GRID2IP: variants seen among roughly 807,000 people sequenced by gnomAD.
GRID2IP encodes the protein Grid2 interacting protein.
A neutral mutation model predicts 114.3 loss-of-function variants in GRID2IP; 78 were observed. The ratio of observed to expected loss-of-function variants is 0.68; its 90% CI spans 0.57 to 0.82. GRID2IP has a LOEUF of 0.82. Ranked by LOEUF, GRID2IP falls within the 40% of genes least tolerant of loss-of-function variation. The pLI, the probability that GRID2IP is intolerant of heterozygous loss-of-function variation, is 0.00. For synonymous variants in GRID2IP, 809 were observed against 724.0 expected, an observed-to-expected ratio of 1.12 and a Z score of -1.89; for missense variants, 1,727 against 1,678.5, an observed-to-expected ratio of 1.03 and a Z score of -0.51.
intron 4 of GRID2IP, 70 bp from the exon 5 acceptor site, chr7:6,522,027 T>C: frequency 2.4e-6 from 3 of 1,263,776 alleles, no homozygotes; most frequent in Non-Finnish European, 3.4e-6. Context: ...GATGCTATCC[T>C]GTTTTACAGG....
chr7:6,540,366 C>G (rs1000489832), intron 1 of GRID2IP, among the ~76,000 whole-genome samples: 2 of 152,108 alleles, frequency 1.3e-5, no homozygotes, highest in East Asian at 3.9e-4. Flanking sequence ...CCCGCCTCGG[C>G]CTCCCAAGGT....
chr7:6,528,816 C>G lies in GRID2IP; in HGVS notation c.585-2047G>C, dbSNP rs1779563808. ...CGATGGTCCGGGGGGTAACCAGGAA[C>G]CAGGATGAATGTCCTGCTCACCTCT... is the stretch of plus-strand genomic sequence containing the variant. On this transcript the variant is annotated intron_variant, in intron 2 of 21. Coordinates refer to ENST00000457091, the MANE Select transcript of GRID2IP (RefSeq NM_001145118.2). The surrounding 1 kb of genome is among the most constrained non-coding windows in gnomAD (Gnocchi z 6.0). 6.6e-6 allele frequency among the ~76,000 whole-genome samples: 1 copy of G among 152,096 alleles called. No individual in the cohort carries two copies. The highest frequency in any genetic ancestry group is 1.5e-5 in the Non-Finnish European group (1 of 68,016).
chr7:6,521,385 G>A lies in GRID2IP; in HGVS notation c.1084+44C>T, dbSNP rs1470241755. 2 of 1,374,616 alleles carry A rather than the reference G, an allele frequency of 1.5e-6. No homozygotes were observed. Among genetic ancestry groups the A allele is most frequent in the African/African-American group, 1.4e-5 (1 of 69,336 alleles). The allele number at this position is 1,374,616 out of a possible 1,614,324, so 85.2% of individuals were successfully genotyped here. A position where few individuals can be genotyped will look rare whatever the true frequency, so the allele number is the denominator to read the frequency against. ...CTCTCACATATAGCAGCCTGGGCAG[G>A]GTCTCTGGGGGCCAAGGAAGCCAAG... On this transcript the variant is annotated intron_variant, in intron 6 of 21. Coordinates refer to ENST00000457091, the MANE Select transcript of GRID2IP (RefSeq NM_001145118.2). This position sits in a 1 kb window ranked among gnomAD's most constrained non-coding sequence, Gnocchi z 4.1.
chr7:6,540,946 C>T (rs1352049559), intron 1 of GRID2IP, among the ~76,000 whole-genome samples: 1 of 152,130 alleles, frequency 6.6e-6, no homozygotes, highest in African/African-American at 2.4e-5. Flanking sequence ...AAGTGATCCT[C>T]CCTCTTTAGC....
chr7:6,527,879 C>T (rs1364759237), intron 2 of GRID2IP, among the ~76,000 whole-genome samples: 1 of 152,016 alleles, frequency 6.6e-6, no homozygotes. Context: ...CTGCCTCAGC[C>T]TCCCGAGTAG....
chr7:6,513,230 CT>C (rs1779215008), intron 8 of GRID2IP, among the ~76,000 whole-genome samples: 1 of 151,614 alleles, frequency 6.6e-6, no homozygotes, highest in African/African-American at 2.4e-5. Flanking sequence ...GAGTTTCTTT[CT>C]TTTTTCTTTT....
At chr7:6,513,663 G>C (rs1469768813) in intron 8 of GRID2IP, among the ~76,000 whole-genome samples, 1 of 152,226 alleles carries the variant, frequency 6.6e-6, no homozygotes, top group Non-Finnish European at 1.5e-5. Flanking sequence ...TGTATATGCT[G>C]CATAAAGGTC....
intron 7 of GRID2IP, among the ~76,000 whole-genome samples, chr7:6,517,220 ATTTT>A (rs370575922): frequency 3.4e-5 from 5 of 146,916 alleles, no homozygotes; most frequent in Admixed American, 6.8e-5. Context: ...ACGCCCGGCT[ATTTT>A]TTTTTTGTAT....
Position 6,532,643 on chromosome 7 carries a change from C to T in GRID2IP, c.585-5874G>A, listed in dbSNP as rs537834190. Among the ~76,000 whole-genome samples, 1 of 152,322 alleles carries T rather than the reference C, an allele frequency of 6.6e-6. No homozygotes were observed. Among genetic ancestry groups the T allele is most frequent in the East Asian group, 1.9e-4 (1 of 5,178 alleles). On this transcript the variant is annotated intron_variant, in intron 2 of 21. Coordinates refer to ENST00000457091, the MANE Select transcript of GRID2IP (RefSeq NM_001145118.2). The surrounding 1 kb of genome is among the most constrained non-coding windows in gnomAD (Gnocchi z 4.4). The stretch of plus-strand genomic sequence containing the variant: ...CCCTGCAAGGGAGAGAAGCAGCTGA[C>T]AAGCCTCCCAGCCAGCACAGCTCTC...
Position 6,510,331 on chromosome 7 carries a change from A to T in GRID2IP, c.1723T>A (p.Ser575Thr). ...SSFKGKMGTV[S>T]KSRASPPGPS... ...CCTGGAGGGGAAGCCCGGGATTTGG[A>T]CACGGTCCCCATCTTCCCTTTGAAG... The change falls in exon 11 of 22, where the codon TCC (serine) becomes ACC (threonine). Residue 575 changes from serine to threonine, a missense_variant. Ser to Thr is a moderately conservative substitution (Grantham distance 58). Coordinates refer to ENST00000457091, the MANE Select transcript of GRID2IP (RefSeq NM_001145118.2). The T allele has an allele frequency of 6.5e-7, 1 of 1,547,524 alleles. No homozygotes were observed. Among genetic ancestry groups the T allele is most frequent in the African/African-American group, 1.4e-5 (1 of 72,964 alleles).
chr7:6,540,447 G>A (rs1779796238), intron 1 of GRID2IP, among the ~76,000 whole-genome samples: 1 of 151,916 alleles, frequency 6.6e-6, no homozygotes, highest in Admixed American at 6.6e-5. Flanking sequence ...TCTGCCCTGC[G>A]AAGAGGGCCT....
At position 6,506,123 on chromosome 7, in the gene GRID2IP, T is replaced by C. The variant is rs1786578872; in HGVS notation, c.2545-216A>G. 6.6e-6 allele frequency among the ~76,000 whole-genome samples: 1 copy of C among 152,194 alleles called. No homozygotes were observed. The highest frequency in any genetic ancestry group is 6.5e-5 in the Admixed American group (1 of 15,278). On this transcript the variant is annotated intron_variant, in intron 13 of 21. Coordinates refer to ENST00000457091, the MANE Select transcript of GRID2IP (RefSeq NM_001145118.2). This position sits in a 1 kb window ranked among gnomAD's most constrained non-coding sequence, Gnocchi z 5.2. ...AGCGCCTCCTGGGGTCAATCGAGACTCAAGACTTGGAACACTACTCGTGCA... is the reference window on the plus strand; with the variant it reads ...AGCGCCTCCTGGGGTCAATCGAGACCCAAGACTTGGAACACTACTCGTGCA...
Position 6,519,270 on chromosome 7 carries a change from A to T in GRID2IP, c.1268+1308T>A, listed in dbSNP as rs1199565290. The stretch of plus-strand genomic sequence containing the variant: ...TGGTGATGTTTGCACGTATTTGTGA[A>T]TATACTAAAAACCACTGAATTGTAT... On this transcript the variant is annotated intron_variant, in intron 7 of 21. Transcript: ENST00000457091. This position sits in a 1 kb window ranked among gnomAD's most constrained non-coding sequence, Gnocchi z 4.1. Among the ~76,000 whole-genome samples, 2 of 152,194 alleles carry T rather than the reference A, an allele frequency of 1.3e-5. No individual in the cohort carries two copies. Among genetic ancestry groups the T allele is most frequent in the Admixed American group, 1.3e-4 (2 of 15,264 alleles).
Position 6,520,706 on chromosome 7 carries a change from C to T in GRID2IP, c.1140G>A (p.Trp380Ter). The change falls in exon 7 of 22, where the codon TGG becomes TGA. Residue 380 changes from tryptophan (W) to a stop codon, truncating the protein, a stop_gained. Transcript: ENST00000457091. LOFTEE classifies it high-confidence loss of function. The surrounding 1 kb of genome is among the most constrained non-coding windows in gnomAD (Gnocchi z 4.6). The part of the protein sequence containing the change: ...NPSSALTSLQ[W>*]VAEILPSSIR... ...TGCTGGACGGCAGGATCTCCGCCAC[C>T]CACTGCAGGGAGGTGAGCGCCGACG... The T allele has an allele frequency of 2.6e-6, 4 of 1,551,710 alleles. No individual in the cohort carries two copies. Among genetic ancestry groups the T allele is most frequent in the Non-Finnish European group, 3.5e-6 (4 of 1,146,996 alleles).
rs567526792 is a variant in GRID2IP at position 6,505,938 on chromosome 7, G to A, written c.2545-31C>T. 8.9e-6 allele frequency: 13 copies of A among 1,464,948 alleles called. No homozygotes were observed. In the East Asian group the frequency reaches 2.0e-4, roughly 22 times the overall value. 90.7% of individuals were successfully genotyped at this position (1,464,948 alleles called of 1,614,324 possible). ...AGGGAGGATGGGAGGTTCAGAGTAG[G>A]AGGAGCAGCAGCAGCTGGACTGGCC... On this transcript the variant is annotated intron_variant, in intron 13 of 21. Transcript: ENST00000457091.
chr7:6,542,287 A>G (rs1216629509), intron 1 of GRID2IP, among the ~76,000 whole-genome samples: 2 of 147,584 alleles, frequency 1.4e-5, no homozygotes, highest in African/African-American at 5.1e-5. Context: ...CCTAGGCAAC[A>G]AGAGCAAAAA....
Position 6,509,088 on chromosome 7 carries a change from T to A in GRID2IP, c.1997A>T (p.Lys666Met). Residue 666 changes from lysine (K) to methionine (M), a missense_variant, in exon 12 of 22, where the codon AAG (lysine) becomes ATG (methionine). Lys to Met is a moderately conservative substitution (Grantham distance 95). Transcript: ENST00000457091. The surrounding 1 kb of genome is among the most constrained non-coding windows in gnomAD (Gnocchi z 4.9). The stretch of plus-strand genomic sequence containing the variant: ...CACAGGGTGGGAGAAGGTGAAGAGC[T>A]TCCTGCGGCTGGGCGGGCGGGTGGG... ...PDPTRPPSRR[K>M]LFTFSHPVRS... 6.8e-7 allele frequency: 1 copy of A among 1,475,498 alleles called. No homozygotes were observed. Among genetic ancestry groups the A allele is most frequent in the Non-Finnish European group, 9.0e-7 (1 of 1,105,772 alleles). 91.4% of individuals were successfully genotyped at this position (1,475,498 alleles called of 1,614,324 possible).
intron 4 of GRID2IP, among the ~76,000 whole-genome samples, chr7:6,524,031 G>T (rs190726325): frequency 6.6e-6 from 1 of 152,278 alleles, no homozygotes; most frequent in East Asian, 1.9e-4. Flanking sequence ...TGCCCAAATC[G>T]GGGAAGAACC....
rs574642679 is a variant in GRID2IP, at chr7:6,528,558, C to T, written c.585-1789G>A. Among the ~76,000 whole-genome samples the T allele has an allele frequency of 6.6e-6, 1 of 152,308 alleles. No homozygotes were observed. The highest frequency in any genetic ancestry group is 2.4e-5 in the African/African-American group (1 of 41,578). The stretch of plus-strand genomic sequence containing the variant: ...AAGGCCCCCTTCCCTGTTCCTTGTA[C>T]CAGGTGCCAGGGCCAAGGGCAAGAT... On this transcript the variant is annotated intron_variant, in intron 2 of 21. Coordinates refer to ENST00000457091, the MANE Select transcript of GRID2IP (RefSeq NM_001145118.2). The surrounding 1 kb of genome is among the most constrained non-coding windows in gnomAD (Gnocchi z 6.0).
Sources: gnomAD v4.1 joint callset for allele counts (sites outside exome capture counted in the v4.1 genomes callset) on GRCh38, gnomAD v4.1.1 for gene constraint, Gnocchi (gnomAD v3.1) non-coding constraint, MANE v1.5 for transcripts, NCBI Gene and HGNC (gene_info 2026-07-23, HGNC 2026-07-21) for gene names.